Variants in TRA2A observed in about 807,000 individuals in gnomAD.
TRA2A encodes transformer 2 alpha homolog.
A neutral mutation model predicts 45.7 loss-of-function variants in TRA2A; 31 were observed. The ratio of observed to expected loss-of-function variants is 0.68; its 90% CI spans 0.51 to 0.92. The LOEUF is 0.92. Among genes scored for constraint, TRA2A ranks in the 40% least tolerant of loss-of-function variants. The pLI is 0.00. For missense variants in TRA2A, 304 were observed against 367.5 expected (o/e 0.83, Z 1.41); for synonymous variants, 132 against 126.2 (o/e 1.05, Z -0.31).
rs537187988 is a variant in TRA2A at position 23,506,021 on chromosome 7, C to T, written c.770+117G>A. 6.7e-5 allele frequency: 62 copies of T among 927,946 alleles called. No individual in the cohort carries two copies. In the Middle Eastern group the frequency reaches 2.5e-3, roughly 37 times the overall value. The allele number at this position is 927,946 out of a possible 1,614,324, so 57.5% of individuals were successfully genotyped here. A position where few individuals can be genotyped will look rare whatever the true frequency, so the allele number is the denominator to read the frequency against. The stretch of plus-strand genomic sequence containing the variant: ...GACTGCTAACTTCTGCTCCCAAAGG[C>T]GTCATATATGATCTATTTTAAAAAT... On this transcript the variant is annotated intron_variant, in intron 6 of 7. Coordinates refer to ENST00000297071, the MANE Select transcript of TRA2A (RefSeq NM_013293.5).
In TRA2A at chr7:23,505,434, C is replaced by G; in HGVS notation, c.*125G>C. On this transcript the variant is annotated 3_prime_UTR_variant, in exon 8 of 8. Coordinates refer to ENST00000297071, the MANE Select transcript of TRA2A (RefSeq NM_013293.5). ...AACACAACTGACAAAAGTGTAGATG[C>G]TAAATAAACCAAAGTTTTTTTCTTA... 2.0e-6 allele frequency: 1 copy of G among 499,676 alleles called. No homozygotes were observed. Among genetic ancestry groups the G allele is most frequent in the Non-Finnish European group, 3.5e-6 (1 of 285,600 alleles). The allele number at this position is 499,676 out of a possible 1,614,324, so 31.0% of individuals were successfully genotyped here. A position where few individuals can be genotyped will look rare whatever the true frequency, so the allele number is the denominator to read the frequency against.
In TRA2A at chr7:23,505,950, A is replaced by G. The variant is rs949436928; in HGVS notation, c.771-137T>C. On this transcript the variant is annotated intron_variant, in intron 6 of 7. Transcript: ENST00000297071. The stretch of plus-strand genomic sequence containing the variant: ...TTAATATTAAGTTCTCTTTCTGCCA[A>G]TGAGACCAGAAAAGTATATAGCACA... 1.2e-5 allele frequency: 8 copies of G among 693,796 alleles called. No individual in the cohort carries two copies. The East Asian group carries it at 1.4e-4, about 12-fold the overall frequency. 43.0% of individuals were successfully genotyped at this position (693,796 alleles called of 1,614,324 possible). A position where few individuals can be genotyped will look rare whatever the true frequency, so the allele number is the denominator to read the frequency against.
chr7:23,524,812 C>A (rs1317564880), intron 1 of TRA2A, among the ~76,000 whole-genome samples: 1 of 152,006 alleles, frequency 6.6e-6, no homozygotes, highest in African/African-American at 2.4e-5. Flanking sequence ...CTGCCTTAGC[C>A]TCCTGAGTAG....
At chr7:23,514,928 T>C (rs538759449) in intron 3 of TRA2A, among the ~76,000 whole-genome samples, 5 of 152,352 alleles carry the variant, frequency 3.3e-5, no homozygotes, top group Admixed American at 6.5e-5. Context: ...CTAAGAACTT[T>C]AGAGCCCGGC....
At position 23,504,881 on chromosome 7, in the gene TRA2A, C is replaced by G. The variant is rs969823404; in HGVS notation, c.*678G>C. On this transcript the variant is annotated 3_prime_UTR_variant, in exon 8 of 8. Transcript: ENST00000297071. ...ACCTGCTTATCCACTGTCCCAATACCAAAATTTCTAACAGCGAATTATACA... is the reference window on the plus strand; with the variant it reads ...ACCTGCTTATCCACTGTCCCAATACGAAAATTTCTAACAGCGAATTATACA... 6.6e-6 allele frequency: 1 copy of G among 152,510 alleles called. No individual in the cohort carries two copies. Among genetic ancestry groups the G allele is most frequent in the Non-Finnish European group, 1.5e-5 (1 of 68,024 alleles). 9.4% of individuals were successfully genotyped at this position (152,510 alleles called of 1,614,324 possible). A position where few individuals can be genotyped will look rare whatever the true frequency, so the allele number is the denominator to read the frequency against.
intron 3 of TRA2A, among the ~76,000 whole-genome samples, chr7:23,513,728 C>G (rs1013036626): frequency 1.3e-5 from 2 of 152,096 alleles, no homozygotes; most frequent in Non-Finnish European, 2.9e-5. Flanking sequence ...CACAAGAGTA[C>G]ACTGAACAAA....
chr7:23,531,239 G>A (rs1790568408), intron 1 of TRA2A: 3 of 986,816 alleles, frequency 3.0e-6, no homozygotes, highest in Admixed American at 6.1e-5. Flanking sequence ...TAGACGCAAC[G>A]CCGCCGGTTC....
Position 23,507,417 on chromosome 7 carries a change from T to C in TRA2A, c.641+3A>G. Reference sequence around the variant, plus strand: ...GTTTAGCTTAGGAAACTTGAACTCTTACTGAGTTGGTCTGCCCATGTAGAT... The same window carrying C: ...GTTTAGCTTAGGAAACTTGAACTCTCACTGAGTTGGTCTGCCCATGTAGAT... On this transcript the variant is annotated splice_donor_region_variant and intron_variant, in intron 5 of 7. Coordinates refer to ENST00000297071, the MANE Select transcript of TRA2A (RefSeq NM_013293.5). The C allele has an allele frequency of 6.2e-7, 1 of 1,609,014 alleles. No individual in the cohort carries two copies. Among genetic ancestry groups the C allele is most frequent in the East Asian group, 2.2e-5 (1 of 44,860 alleles).
chr7:23,512,830 G>A, intron 4 of TRA2A, 64 bp downstream of exon 4: 2 of 1,144,418 alleles, frequency 1.7e-6, no homozygotes, highest in South Asian at 2.0e-5. Flanking sequence ...ACAGAAATAA[G>A]TCTATTAATC....
chr7:23,531,669 C>G, intron 1 of TRA2A, 120 bp downstream of exon 1: 1 of 1,061,564 alleles, frequency 9.4e-7, no homozygotes, highest in South Asian at 1.4e-5. Flanking sequence ...GAATCAATCG[C>G]GATGGCTCCA....
Position 23,531,815 on chromosome 7 carries a change from C to A in TRA2A, c.10G>T (p.Val4Leu). 1.2e-6 allele frequency: 2 copies of A among 1,613,860 alleles called. No homozygotes were observed. The highest frequency in any genetic ancestry group is 1.7e-6 in the Non-Finnish European group (2 of 1,180,044). ...CTGCCCTCGAAGTTGTTTTCCTCCA[C>A]ATCACTCATGTCGACGAGGCGCTCC... The part of the protein sequence containing the change: MSD[V>L]EENNFEGRES... The change falls in exon 1 of 8, where the codon GTG becomes TTG. Residue 4 changes from valine to leucine, a missense_variant. By Grantham distance (32) the Val-to-Leu change is conservative. Transcript: ENST00000297071.
In TRA2A at chr7:23,506,242, G is replaced by T. The variant is rs760059143; in HGVS notation, c.666C>A (p.Gly222=). ...CACCACCTCCACCTCCACCGCCGCCGCCTCCTCCACCACCCCCACCACTAC... is the reference window on the plus strand; with the variant it reads ...CACCACCTCCACCTCCACCGCCGCCTCCTCCTCCACCACCCCCACCACTAC... ...PTHSGGGGGG[G]GGGGGGGGGR... The change falls in exon 6 of 8, where the codon GGC becomes GGA. Residue 222 remains glycine (G), a synonymous_variant. Coordinates refer to ENST00000297071, the MANE Select transcript of TRA2A (RefSeq NM_013293.5). 5 of 1,451,972 alleles carry T rather than the reference G, an allele frequency of 3.4e-6. No homozygotes were observed. The highest frequency in any genetic ancestry group is 2.3e-5 in the South Asian group (2 of 87,634). 89.9% of individuals were successfully genotyped at this position (1,451,972 alleles called of 1,614,324 possible).
chr7:23,525,322 T>C (rs961721534), intron 1 of TRA2A, among the ~76,000 whole-genome samples: 3 of 152,178 alleles, frequency 2.0e-5, no homozygotes, highest in Non-Finnish European at 2.9e-5. Flanking sequence ...ACAAAAAAGA[T>C]TGCTGGGAAT....
chr7:23,522,005 G>A, intron 1 of TRA2A, 165 bp from the exon 2 acceptor site: 3 of 1,400,838 alleles, frequency 2.1e-6, no homozygotes, highest in African/African-American at 1.4e-5. Flanking sequence ...TGTTAATACT[G>A]CTAACTGTCC....
At chr7:23,519,018 C>T (rs1353695479) in intron 2 of TRA2A, among the ~76,000 whole-genome samples, 1 of 152,140 alleles carries the variant, frequency 6.6e-6, no homozygotes, top group Non-Finnish European at 1.5e-5. Flanking sequence ...CTTTCTATAA[C>T]ATTTCACTTG....
At chr7:23,506,814 C>T (rs754133242) in intron 5 of TRA2A, among the ~76,000 whole-genome samples, 3 of 152,130 alleles carry the variant, frequency 2.0e-5, no homozygotes, top group East Asian at 1.9e-4. Flanking sequence ...CTTGCTCTGT[C>T]GCCCAGGCTG....
At chr7:23,514,543 C>T (rs1451412608) in intron 3 of TRA2A, among the ~76,000 whole-genome samples, 1 of 152,036 alleles carries the variant, frequency 6.6e-6, no homozygotes, top group Non-Finnish European at 1.5e-5. Flanking sequence ...CAGATTTGTA[C>T]TTAATCTGAC....
At chr7:23,508,538 A>C (rs1467437811) in intron 4 of TRA2A, among the ~76,000 whole-genome samples, 8 of 152,232 alleles carry the variant, frequency 5.3e-5, no homozygotes, top group Non-Finnish European at 8.8e-5. Context: ...CTTGTTGCAC[A>C]GGCTGGAGTG....
chr7:23,529,333 C>T (rs562047492), intron 1 of TRA2A, among the ~76,000 whole-genome samples: 2 of 152,256 alleles, frequency 1.3e-5, no homozygotes, highest in South Asian at 2.1e-4. Context: ...ACTGGAGTGT[C>T]GTGGCGCAAT....
Sources: gnomAD v4.1 joint callset for allele counts (sites outside exome capture counted in the v4.1 genomes callset) on GRCh38, gnomAD v4.1.1 for gene constraint, MANE v1.5 for transcripts, NCBI Gene and HGNC (gene_info 2026-07-23, HGNC 2026-07-21) for gene names.